The following PDGFC variants were observed in gnomAD, a reference collection of about 807,000 sequenced individuals.
The protein encoded by PDGFC is platelet-derived growth factor C.
PDGFC carries 12 observed loss-of-function variants against 35.5 expected under a neutral mutation model. The observed-to-expected ratio is 0.34, with a 90% CI of 0.22 to 0.55. PDGFC has a LOEUF of 0.55. PDGFC is among the 20% of genes least tolerant of loss of function. The probability of loss-of-function intolerance (pLI) is 0.91; values close to 1 mark genes in which losing one functional copy is unlikely to be tolerated. For missense variants in PDGFC, 322 were observed against 412.4 expected, an observed-to-expected ratio of 0.78 and a Z score of 1.90; for synonymous variants, 159 against 148.8, an observed-to-expected ratio of 1.07 and a Z score of -0.50.
chr4:156,823,006 T>C (rs1732313474), intron 2 of PDGFC, among the ~76,000 whole-genome samples: 1 of 151,902 alleles, frequency 6.6e-6, no homozygotes, highest in South Asian at 2.1e-4. Flanking sequence ...AGTGCTGAGG[T>C]TACAGGCTTG....
At chr4:156,917,883 C>A (rs977097796) in intron 1 of PDGFC, among the ~76,000 whole-genome samples, 8 of 152,140 alleles carry the variant, frequency 5.3e-5, no homozygotes, top group Non-Finnish European at 8.8e-5. Flanking sequence ...ATACTCTAAA[C>A]CACTTATCTG....
At chr4:156,796,491 A>ATTTTTT (rs35891804) in intron 3 of PDGFC, among the ~76,000 whole-genome samples, 9 of 101,582 alleles carry the variant, frequency 8.9e-5, no homozygotes, top group African/African-American at 1.7e-4. Flanking sequence ...ACCACTTTGT[A>ATTTTTT]TTTTTTTTTT....
At chr4:156,910,432 T>C (rs914861910) in intron 1 of PDGFC, among the ~76,000 whole-genome samples, 1 of 152,144 alleles carries the variant, frequency 6.6e-6, no homozygotes, top group Admixed American at 6.6e-5. Context: ...TATTTAACAG[T>C]CCACTTCTTG....
At position 156,793,471 on chromosome 4, in the gene PDGFC, G is replaced by GA. The variant is rs199538771; in HGVS notation, c.495+17365dup. On this transcript the variant is annotated intron_variant, in intron 3 of 5. Coordinates refer to ENST00000502773, the MANE Select transcript of PDGFC (RefSeq NM_016205.3). ...AGTGCATTGTGACCAGCATTCTTGA[G>GA]AAAAAAAAACAATTTCATATAGTAA... 5.9e-3 allele frequency among the ~76,000 whole-genome samples: 803 copies of GA among 136,456 alleles called. 3 individuals are homozygous for GA. Among genetic ancestry groups the GA allele is most frequent in the African/African-American group, 0.013 (499 of 37,118 alleles). 89.5% of individuals were successfully genotyped at this position (136,456 alleles called of 152,430 possible).
chr4:156,879,924 C>G (rs1052233928), intron 1 of PDGFC, among the ~76,000 whole-genome samples: 2 of 152,190 alleles, frequency 1.3e-5, no homozygotes, highest in Non-Finnish European at 2.9e-5. Context: ...AAGCCAAAAT[C>G]TAATCCACAG....
chr4:156,810,141 C>T (rs1731891537), intron 3 of PDGFC, among the ~76,000 whole-genome samples: 1 of 150,432 alleles, frequency 6.6e-6, no homozygotes, highest in Non-Finnish European at 1.5e-5. Context: ...TAAAAATGTA[C>T]ATCTTTGTCT....
intron 1 of PDGFC, among the ~76,000 whole-genome samples, chr4:156,903,682 A>G (rs571264956): frequency 6.6e-6 from 1 of 152,318 alleles, no homozygotes; most frequent in East Asian, 1.9e-4. Flanking sequence ...CATACCTGCC[A>G]GTGAAATAAT....
chr4:156,802,330 C>T (rs532992434), intron 3 of PDGFC, among the ~76,000 whole-genome samples: 6 of 152,144 alleles, frequency 3.9e-5, no homozygotes, highest in African/African-American at 9.6e-5. Flanking sequence ...TTGGATGTGT[C>T]GTCATTGGAT....
intron 5 of PDGFC, 99 bp from the exon 6 acceptor site, chr4:156,763,305 AAG>A: frequency 1.6e-6 from 1 of 626,240 alleles, no homozygotes; most frequent in Non-Finnish European, 3.0e-6. Flanking sequence ...CTTGGGGCCC[AAG>A]AAAGACACAT....
intron 3 of PDGFC, among the ~76,000 whole-genome samples, chr4:156,798,162 A>G (rs1731501190): frequency 6.6e-6 from 1 of 152,242 alleles, no homozygotes; most frequent in Non-Finnish European, 1.5e-5. Context: ...ACTGCACTCC[A>G]GCTTGGGCGA....
At chr4:156,801,573 C>CT (rs1731613338) in intron 3 of PDGFC, among the ~76,000 whole-genome samples, 1 of 152,146 alleles carries the variant, frequency 6.6e-6, no homozygotes, top group Non-Finnish European at 1.5e-5. Context: ...AGAGTTCTTC[C>CT]TTGGAAGCCA....
chr4:156,853,330 G>A (rs1729498029), intron 1 of PDGFC, among the ~76,000 whole-genome samples: 1 of 152,104 alleles, frequency 6.6e-6, no homozygotes, highest in Admixed American at 6.5e-5. Flanking sequence ...GTGAAGGGTT[G>A]TATATTAGTT....
At chr4:156,869,346 G>T (rs1729922763) in intron 1 of PDGFC, among the ~76,000 whole-genome samples, 1 of 152,048 alleles carries the variant, frequency 6.6e-6, no homozygotes, top group South Asian at 2.1e-4. Flanking sequence ...TGAGGCAGGA[G>T]AATGGCTTGA....
chr4:156,903,186 C>A (rs1221821953), intron 1 of PDGFC, among the ~76,000 whole-genome samples: 3 of 150,226 alleles, frequency 2.0e-5, no homozygotes, highest in South Asian at 4.2e-4. Context: ...TTCAAAGAAA[C>A]CTTAATTTTG....
chr4:156,812,936 A>G (rs1485719483), intron 2 of PDGFC, among the ~76,000 whole-genome samples: 2 of 152,096 alleles, frequency 1.3e-5, no homozygotes. Context: ...GAAAACACAA[A>G]GACAAAGAGG....
In PDGFC at chr4:156,762,869, G is replaced by C; in HGVS notation, c.*221C>G. On this transcript the variant is annotated 3_prime_UTR_variant, in exon 6 of 6. Coordinates refer to ENST00000502773, the MANE Select transcript of PDGFC (RefSeq NM_016205.3). ...ATTTAATTTTCTTTCCACGATTGAA[G>C]ACCTTTTCTCCTGTCCTTTAGGCCT... 1 of 463,814 alleles carries C rather than the reference G, an allele frequency of 2.2e-6. No homozygotes were observed. Among genetic ancestry groups the C allele is most frequent in the South Asian group, 4.5e-5 (1 of 22,022 alleles). The allele number at this position is 463,814 out of a possible 1,614,324, so 28.7% of individuals were successfully genotyped here.
At chr4:156,847,305 T>G (rs1484080918) in intron 2 of PDGFC, among the ~76,000 whole-genome samples, 4 of 151,762 alleles carry the variant, frequency 2.6e-5, no homozygotes, top group African/African-American at 9.7e-5. Context: ...GCTGGTTGTA[T>G]GTACCTCCTG....
intron 2 of PDGFC, among the ~76,000 whole-genome samples, chr4:156,811,416 T>C (rs1731929087): frequency 6.6e-6 from 1 of 152,074 alleles, no homozygotes; most frequent in Admixed American, 6.6e-5. Flanking sequence ...AGTAACTCTT[T>C]CATCCTGGCC....
chr4:156,954,628 A>AT lies in PDGFC; in HGVS notation c.118+16157dup, dbSNP rs748859544. Among the ~76,000 whole-genome samples the AT allele has an allele frequency of 2.2e-3, 336 of 151,334 alleles. 1 individual carries two copies. Among genetic ancestry groups the AT allele is most frequent in the Admixed American group, 4.9e-3 (74 of 15,186 alleles). On this transcript the variant is annotated intron_variant, in intron 1 of 5. Transcript: ENST00000502773. ...AAAATAAGTTTCCTGGAAATGATAC[A>AT]TTTTTTTTTCTTATTGAGGAAATAA... is the stretch of plus-strand genomic sequence containing the variant.
Sources: gnomAD v4.1 joint callset for allele counts (sites outside exome capture counted in the v4.1 genomes callset) on GRCh38, gnomAD v4.1.1 for gene constraint, MANE v1.5 for transcripts, NCBI Gene and HGNC (gene_info 2026-07-23, HGNC 2026-07-21) for gene names.